The following DPP10 variants were observed in gnomAD, a reference collection of about 807,000 sequenced individuals.
The protein encoded by DPP10 is inactive dipeptidyl peptidase 10.
A neutral mutation model predicts 120.9 loss-of-function variants in DPP10; 33 were observed. The observed-to-expected ratio is 0.27, with a 90% confidence interval of 0.21 to 0.37. The LOEUF (loss-of-function observed/expected upper bound fraction) is 0.37, where lower values mean the gene tolerates loss of function less well. Among genes scored for constraint, DPP10 ranks in the 10% least tolerant of loss-of-function variants. The probability of loss-of-function intolerance (pLI) is 1.00; values close to 1 mark genes in which losing one functional copy is unlikely to be tolerated. For synonymous variants in DPP10, 337 were observed against 326.1 expected (o/e 1.03, Z -0.36); for missense variants, 816 against 942.8 (o/e 0.87, Z 1.76).
At chr2:115,709,281 G>A (rs1260070201) in intron 7 of DPP10, among the ~76,000 whole-genome samples, 1 of 152,072 alleles carries the variant, frequency 6.6e-6, no homozygotes, top group Non-Finnish European at 1.5e-5. Flanking sequence ...CCCTTGAGTA[G>A]CTGTAACTGC....
chr2:114,471,749 G>T (rs1457628022), intron 1 of DPP10, among the ~76,000 whole-genome samples: 1 of 152,146 alleles, frequency 6.6e-6, no homozygotes, highest in African/African-American at 2.4e-5. Flanking sequence ...CACATCTGTT[G>T]CTAGGCTCAT....
chr2:114,864,666 C>G (rs1690081933), intron 1 of DPP10, among the ~76,000 whole-genome samples: 1 of 152,102 alleles, frequency 6.6e-6, no homozygotes, highest in Non-Finnish European at 1.5e-5. Flanking sequence ...AAACAATTTG[C>G]TAGAAAAACA....
intron 1 of DPP10, among the ~76,000 whole-genome samples, chr2:114,542,036 C>A (rs1402044576): frequency 1.8e-5 from 2 of 110,028 alleles, no homozygotes; most frequent in Non-Finnish European, 4.0e-5. Context: ...AGTTTTTTTT[C>A]TTTCTTTCTT....
At chr2:115,011,724 C>A (rs1702277736) in intron 1 of DPP10, among the ~76,000 whole-genome samples, 1 of 152,104 alleles carries the variant, frequency 6.6e-6, no homozygotes, top group African/African-American at 2.4e-5. Flanking sequence ...AGGCTCACAT[C>A]CTCAACTTTT....
chr2:115,382,480 C>A (rs1271474889), intron 3 of DPP10, among the ~76,000 whole-genome samples: 1 of 152,184 alleles, frequency 6.6e-6, no homozygotes, highest in Non-Finnish European at 1.5e-5. Context: ...TTGAGATGAA[C>A]CTGGTACCTC....
At chr2:115,333,244 A>G (rs561577023) in intron 2 of DPP10, among the ~76,000 whole-genome samples, 2 of 151,350 alleles carry the variant, frequency 1.3e-5, no homozygotes, top group African/African-American at 2.4e-5. Flanking sequence ...TAGGATTACA[A>G]CCCCTGCCTG....
chr2:115,839,095 G>A (rs982954368), intron 24 of DPP10, among the ~76,000 whole-genome samples: 1 of 152,006 alleles, frequency 6.6e-6, no homozygotes, highest in African/African-American at 2.4e-5. Flanking sequence ...GACAAATAAG[G>A]GATCACATTA....
rs191946990 is a variant in DPP10 at position 115,676,397 on chromosome 2, A to G, written c.442-13290A>G. ...AAAAAGATCTTTCCCTATAAAAGCT[A>G]CTTCATAAAACTGGAAGAAGAGATT... On this transcript the variant is annotated intron_variant, in intron 5 of 25. Transcript: ENST00000410059. Among the ~76,000 whole-genome samples, 9 of 152,346 alleles carry G rather than the reference A, an allele frequency of 5.9e-5. No homozygotes were observed. The East Asian group carries it at 1.7e-3, about 29-fold the overall frequency.
intron 1 of DPP10, among the ~76,000 whole-genome samples, chr2:115,258,981 G>C (rs1294201861): frequency 6.6e-6 from 1 of 152,244 alleles, no homozygotes; most frequent in Non-Finnish European, 1.5e-5. Flanking sequence ...ACCAAAAATT[G>C]CAATGGCTTG....
At chr2:115,655,193 A>G (rs375228975) in intron 5 of DPP10, among the ~76,000 whole-genome samples, 7 of 151,728 alleles carry the variant, frequency 4.6e-5, no homozygotes, top group African/African-American at 1.4e-4. Context: ...AATTTTTATA[A>G]TGTCCCAAAT....
At chr2:114,737,404 C>T (rs17043462) in intron 1 of DPP10, among the ~76,000 whole-genome samples, 5,349 of 152,202 alleles carry the variant, frequency 0.035, 315 homozygotes, top group African/African-American at 0.12. Context: ...AAAGATGCAG[C>T]GGTCTGTGAA....
intron 1 of DPP10, among the ~76,000 whole-genome samples, chr2:114,640,590 G>A (rs758406464): frequency 4.0e-5 from 6 of 151,718 alleles, no homozygotes; most frequent in Non-Finnish European, 8.8e-5. Context: ...AGATTGTAGT[G>A]GTTATTTCCT....
At chr2:115,636,685 G>T (rs948888197) in intron 5 of DPP10, among the ~76,000 whole-genome samples, 1 of 152,120 alleles carries the variant, frequency 6.6e-6, no homozygotes, top group Non-Finnish European at 1.5e-5. Flanking sequence ...GTGATTCTAA[G>T]TGAGGATTAT....
intron 1 of DPP10, among the ~76,000 whole-genome samples, chr2:115,195,507 A>G (rs1333031203): frequency 2.6e-5 from 4 of 152,186 alleles, no homozygotes; most frequent in African/African-American, 9.7e-5. Context: ...AGACATATTC[A>G]CACTCTCAAG....
chr2:115,034,477 T>A (rs1482529740), intron 1 of DPP10, among the ~76,000 whole-genome samples: 1 of 152,192 alleles, frequency 6.6e-6, no homozygotes, highest in Non-Finnish European at 1.5e-5. Flanking sequence ...AAATGCTATG[T>A]GGGCTTCTCA....
chr2:115,563,066 G>A (rs550698220), intron 5 of DPP10, among the ~76,000 whole-genome samples: 1 of 152,314 alleles, frequency 6.6e-6, no homozygotes, highest in South Asian at 2.1e-4. Context: ...CAGTAACAAT[G>A]TATGTCTCCT....
At chr2:114,551,464 A>G (rs1687880959) in intron 1 of DPP10, among the ~76,000 whole-genome samples, 1 of 152,212 alleles carries the variant, frequency 6.6e-6, no homozygotes, top group African/African-American at 2.4e-5. Flanking sequence ...ATACTTGCAG[A>G]GCTAAAGTGA....
intron 1 of DPP10, among the ~76,000 whole-genome samples, chr2:114,779,954 G>T (rs1361130165): frequency 1.3e-5 from 2 of 152,096 alleles, no homozygotes; most frequent in Non-Finnish European, 2.9e-5. Flanking sequence ...GGCTAACATG[G>T]TGAAACCCCA....
chr2:115,755,011 T>G (rs963567324), intron 11 of DPP10, among the ~76,000 whole-genome samples: 5 of 152,110 alleles, frequency 3.3e-5, no homozygotes, highest in African/African-American at 1.2e-4. Flanking sequence ...TTAAATGAGT[T>G]TTGGCAAATG....
Sources: allele counts gnomAD v4.1 joint callset (sites outside exome capture counted in the v4.1 genomes callset), GRCh38; gene constraint gnomAD v4.1.1; transcripts MANE v1.5; gene names NCBI Gene and HGNC (gene_info 2026-07-23, HGNC 2026-07-21).